The following LRRTM4 variants were observed in gnomAD, a reference collection of about 807,000 sequenced individuals.
LRRTM4 encodes the protein leucine-rich repeat transmembrane neuronal protein 4.
LRRTM4 carries 25 observed loss-of-function variants against 47.6 expected under a neutral mutation model. The observed-to-expected ratio is 0.53, with a 90% CI of 0.38 to 0.73. LRRTM4 has a LOEUF of 0.73. Among genes scored for constraint, LRRTM4 ranks in the 30% least tolerant of loss-of-function variants. The pLI, the probability that LRRTM4 is intolerant of heterozygous loss-of-function variation, is 0.00. For missense variants in LRRTM4, 638 were observed against 713.4 expected, an observed-to-expected ratio of 0.89 and a Z score of 1.20; for synonymous variants, 311 against 269.5, an observed-to-expected ratio of 1.15 and a Z score of -1.51.
At chr2:77,243,802 G>A (rs1235439097) in intron 3 of LRRTM4, among the ~76,000 whole-genome samples, 2 of 142,646 alleles carry the variant, frequency 1.4e-5, no homozygotes, top group Non-Finnish European at 3.0e-5. Context: ...TAAGTTTTAG[G>A]GTACATGTGC....
chr2:77,135,186 G>A (rs1671901210), intron 3 of LRRTM4, among the ~76,000 whole-genome samples: 1 of 152,176 alleles, frequency 6.6e-6, no homozygotes, highest in African/African-American at 2.4e-5. Context: ...CGCAGGAAAT[G>A]GCCAAGATGT....
At chr2:77,499,739 T>C (rs1678501817) in intron 3 of LRRTM4, among the ~76,000 whole-genome samples, 1 of 151,904 alleles carries the variant, frequency 6.6e-6, no homozygotes, top group South Asian at 2.1e-4. Flanking sequence ...AAGCTGTAAG[T>C]TTCCATAGTC....
At chr2:76,815,307 G>GGGT (rs1467325005) in intron 3 of LRRTM4, among the ~76,000 whole-genome samples, 5 of 151,960 alleles carry the variant, frequency 3.3e-5, no homozygotes, top group Admixed American at 6.6e-5. Flanking sequence ...TTTGGTTAAC[G>GGGT]GGTGACTGTG....
chr2:76,819,919 C>T (rs912976169), intron 3 of LRRTM4, among the ~76,000 whole-genome samples: 12 of 151,958 alleles, frequency 7.9e-5, no homozygotes, highest in Non-Finnish European at 1.8e-4. Flanking sequence ...TCTGAGTCTT[C>T]AGCCACTGTA....
At chr2:77,435,704 A>G (rs1321583950) in intron 3 of LRRTM4, among the ~76,000 whole-genome samples, 1 of 152,160 alleles carries the variant, frequency 6.6e-6, no homozygotes, top group East Asian at 1.9e-4. Flanking sequence ...AACACACAGG[A>G]CAGCCCAAAA....
At chr2:77,339,543 T>C (rs1671292091) in intron 3 of LRRTM4, among the ~76,000 whole-genome samples, 1 of 152,040 alleles carries the variant, frequency 6.6e-6, no homozygotes, top group Non-Finnish European at 1.5e-5. Flanking sequence ...TGATAATGCA[T>C]ATATTAGTGC....
chr2:77,078,054 GAC>G (rs1334284862), intron 3 of LRRTM4, among the ~76,000 whole-genome samples: 2 of 152,212 alleles, frequency 1.3e-5, no homozygotes, highest in East Asian at 3.9e-4. Flanking sequence ...CTTCCTTTCT[GAC>G]ACAGTTGATC....
intron 3 of LRRTM4, among the ~76,000 whole-genome samples, chr2:77,123,511 G>A (rs1671572819): frequency 6.6e-6 from 1 of 152,036 alleles, no homozygotes; most frequent in South Asian, 2.1e-4. Context: ...TAACAGTGAT[G>A]TTAAGAACCT....
At chr2:76,974,161 T>C (rs1168671166) in intron 3 of LRRTM4, among the ~76,000 whole-genome samples, 1 of 140,828 alleles carries the variant, frequency 7.1e-6, no homozygotes, top group African/African-American at 2.8e-5. Flanking sequence ...CATACATATA[T>C]ATATATACAT....
intron 3 of LRRTM4, among the ~76,000 whole-genome samples, chr2:76,824,540 A>G (rs1405493256): frequency 6.6e-6 from 1 of 151,582 alleles, no homozygotes; most frequent in Non-Finnish European, 1.5e-5. Context: ...GTATAACACT[A>G]AGGAAAGAGT....
chr2:77,010,691 A>G (rs1677840421), intron 3 of LRRTM4, among the ~76,000 whole-genome samples: 1 of 152,124 alleles, frequency 6.6e-6, no homozygotes, highest in Admixed American at 6.6e-5. Context: ...TATCATGTTC[A>G]AAACTGTATC....
intron 3 of LRRTM4, among the ~76,000 whole-genome samples, chr2:77,221,091 T>A (rs1192212781): frequency 1.3e-5 from 2 of 152,174 alleles, no homozygotes. Flanking sequence ...CAGAATTTCA[T>A]ATCCAGCCAA....
Position 76,898,965 on chromosome 2 carries a change from T to A in LRRTM4, c.1552-150049A>T, listed in dbSNP as rs534575539. On this transcript the variant is annotated intron_variant, in intron 3 of 3. Coordinates refer to ENST00000409884, the MANE Select transcript of LRRTM4 (RefSeq NM_001134745.3). Reference sequence around the variant, plus strand: ...ATCTTCCCAGAAACAGAACCTAGTTTATACAAGGATGTTCTCTTTGATTAA... The same window carrying A: ...ATCTTCCCAGAAACAGAACCTAGTTAATACAAGGATGTTCTCTTTGATTAA... Among the ~76,000 whole-genome samples the A allele has an allele frequency of 3.9e-5, 6 of 152,054 alleles. No individual in the cohort carries two copies. The South Asian group carries it at 1.2e-3, about 31-fold the overall frequency.
intron 3 of LRRTM4, among the ~76,000 whole-genome samples, chr2:77,494,639 T>A (rs1573491932): frequency 6.6e-6 from 1 of 152,060 alleles, no homozygotes; most frequent in Admixed American, 6.6e-5. Context: ...TTTTAATAGA[T>A]TTATGGAATT....
intron 3 of LRRTM4, among the ~76,000 whole-genome samples, chr2:76,805,920 C>G (rs1029984769): frequency 6.6e-6 from 1 of 152,104 alleles, no homozygotes; most frequent in Non-Finnish European, 1.5e-5. Context: ...ATAAATCTTT[C>G]TCTATCTCTG....
intron 3 of LRRTM4, among the ~76,000 whole-genome samples, chr2:77,510,113 A>G (rs890344534): frequency 2.6e-5 from 4 of 152,210 alleles, no homozygotes; most frequent in African/African-American, 9.6e-5. Context: ...CAAGAGTGGT[A>G]TCAATTTACA....
rs149193676 is a variant in LRRTM4 at position 77,422,855 on chromosome 2, C to G, written c.1551+95463G>C. Among the ~76,000 whole-genome samples, 1,519 of 152,030 alleles carry G rather than the reference C, an allele frequency of 1.0e-2. 29 individuals are homozygous for G. Among genetic ancestry groups the G allele is most frequent in the African/African-American group, 0.035 (1,458 of 41,478 alleles). ...CAATTTGAATTTATCATACAGCATT[C>G]TCTTTATTGTATGTTTTCAAAATTT... On this transcript the variant is annotated intron_variant, in intron 3 of 3. Transcript: ENST00000409884.
intron 3 of LRRTM4, among the ~76,000 whole-genome samples, chr2:77,344,761 A>C (rs1005903738): frequency 6.6e-6 from 1 of 151,866 alleles, no homozygotes; most frequent in Non-Finnish European, 1.5e-5. Context: ...CAAACCGCTG[A>C]AAACTAAAGA....
chr2:77,473,386 C>G (rs2103997180), intron 3 of LRRTM4, among the ~76,000 whole-genome samples: 1 of 152,238 alleles, frequency 6.6e-6, no homozygotes, highest in Middle Eastern at 3.4e-3. Flanking sequence ...AAATCAAAGA[C>G]ATACACACAA....
Sources: allele counts gnomAD v4.1 joint callset (sites outside exome capture counted in the v4.1 genomes callset), GRCh38; gene constraint gnomAD v4.1.1; transcripts MANE v1.5; gene names NCBI Gene and HGNC (gene_info 2026-07-23, HGNC 2026-07-21).